The following TPM3 variants were observed in gnomAD, a reference collection of about 807,000 sequenced individuals.
TPM3 encodes the protein tropomyosin alpha-3 chain.
TPM3 carries 16 observed loss-of-function variants against 43.1 expected under a neutral mutation model. The observed-to-expected ratio is 0.37, with a 90% CI of 0.25 to 0.56. The LOEUF is 0.56. TPM3 is among the 20% of genes least tolerant of loss of function. The probability of loss-of-function intolerance (pLI) is 0.77; values close to 1 mark genes in which losing one functional copy is unlikely to be tolerated. For synonymous variants in TPM3, 101 were observed against 116.9 expected, an observed-to-expected ratio of 0.86 and a Z score of 0.88; for missense variants, 176 against 337.2, an observed-to-expected ratio of 0.52 and a Z score of 3.74.
chr1:154,185,186 A>T (rs550888005), intron 2 of TPM3, among the ~76,000 whole-genome samples: 4 of 151,934 alleles, frequency 2.6e-5, no homozygotes, highest in African/African-American at 9.7e-5. Flanking sequence ...AGCCTGGCCA[A>T]CATGGCAAAA....
At chr1:154,174,383 T>TATA (rs1300083007) in intron 3 of TPM3, among the ~76,000 whole-genome samples, 1 of 91,756 alleles carries the variant, frequency 1.1e-5, no homozygotes, top group Non-Finnish European at 2.0e-5. Flanking sequence ...TATATATATA[T>TATA]ATATATATAT....
chr1:154,169,542 T>C (rs1661350646), intron 8 of TPM3, 159 bp from the exon 9 acceptor site: 1 of 712,618 alleles, frequency 1.4e-6, no homozygotes, highest in Non-Finnish European at 2.4e-6. Flanking sequence ...GACTGGACAT[T>C]TTCAGATCTA....
At chr1:154,173,635 G>T (rs949777561) in intron 3 of TPM3, among the ~76,000 whole-genome samples, 7 of 150,234 alleles carry the variant, frequency 4.7e-5, no homozygotes, top group Non-Finnish European at 7.4e-5. Context: ...TTGCACTCCA[G>T]CCTGGGCAAT....
chr1:154,160,948 C>G (rs1473465223), downstream of TPM3, among the ~76,000 whole-genome samples: 2 of 151,830 alleles, frequency 1.3e-5, no homozygotes, highest in African/African-American at 2.4e-5. Context: ...GTCCAGGCTA[C>G]AGTGTGGTGA....
intron 5 of TPM3, 180 bp from the exon 6 acceptor site, chr1:154,171,668 C>T (rs1661591808): frequency 5.5e-6 from 4 of 724,308 alleles, no homozygotes; most frequent in Non-Finnish European, 7.1e-6. Context: ...TACCATAGAA[C>T]GTGTCAGGAG....
intron 2 of TPM3, among the ~76,000 whole-genome samples, chr1:154,178,540 A>G (rs1368671033): frequency 6.6e-6 from 1 of 152,214 alleles, no homozygotes; most frequent in Non-Finnish European, 1.5e-5. Flanking sequence ...AAGATCTGAT[A>G]CTTTGTTTAA....
rs199839023 is a variant in TPM3, at chr1:154,178,193, C to G, written c.244-1945G>C. ...CATCATGCAGCTCACCAGTAGTTAC[C>G]CAAACTGGAGTAGAAGATAACAGGC... On this transcript the variant is annotated intron_variant, in intron 2 of 9. Coordinates refer to ENST00000651641, the MANE Select transcript of TPM3 (RefSeq NM_152263.4). 3.0e-6 allele frequency: 3 copies of G among 985,262 alleles called. No individual in the cohort carries two copies. The East Asian group carries it at 3.4e-4, about 112-fold the overall frequency. 61.0% of individuals were successfully genotyped at this position (985,262 alleles called of 1,614,324 possible). A position where few individuals can be genotyped will look rare whatever the true frequency, so the allele number is the denominator to read the frequency against.
intron 5 of TPM3, chr1:154,172,687 C>T (rs903874519): frequency 4.9e-6 from 3 of 614,350 alleles, no homozygotes; most frequent in African/African-American, 1.9e-5. Context: ...GTAAACCCTA[C>T]CAACAAAAAA....
At position 154,165,791 on chromosome 1, in the gene TPM3, AAAAAAAAAAAAAAAAG is replaced by A. The variant is rs1660882869; in HGVS notation, c.*2130_*2145del. ...GTGACAAGAGTCAAACTCCGTCTCA[AAAAAAAAAAAAAAAAG>A]AAAAAAAGAAAAAAGTTTTAACATG... On this transcript the variant is annotated 3_prime_UTR_variant, in exon 10 of 10. Coordinates refer to ENST00000651641, the MANE Select transcript of TPM3 (RefSeq NM_152263.4). Among the ~76,000 whole-genome samples, 1 of 104,632 alleles carries A rather than the reference AAAAAAAAAAAAAAAAG, an allele frequency of 9.6e-6. No individual in the cohort carries two copies. The highest frequency in any genetic ancestry group is 4.3e-5 in the African/African-American group (1 of 23,170). 68.6% of individuals were successfully genotyped at this position (104,632 alleles called of 152,430 possible).
chr1:154,183,789 C>G (rs1462803156), intron 2 of TPM3: 1 of 154,838 alleles, frequency 6.5e-6, no homozygotes. Flanking sequence ...CAAGATGGCA[C>G]AAATTCTCAT....
intron 6 of TPM3, 41 bp from the exon 7 acceptor site, chr1:154,170,752 G>T: frequency 7.3e-7 from 1 of 1,372,736 alleles, no homozygotes. Context: ...GTAGAAATTA[G>T]TCACACAGGC....
chr1:154,157,576 G>C, downstream of TPM3: 1 of 769,378 alleles, frequency 1.3e-6, no homozygotes, highest in Non-Finnish European at 2.4e-6. Context: ...GCTTCCCGCA[G>C]GCTGGCCTCA....
intron 1 of TPM3, 60 bp downstream of exon 1, chr1:154,191,842 T>G: frequency 6.3e-7 from 1 of 1,595,296 alleles, no homozygotes; most frequent in Admixed American, 1.7e-5. Context: ...CCATGAAAAC[T>G]CCCTTCCATT....
At chr1:154,159,695 T>C (rs1349561813), downstream of TPM3, among the ~76,000 whole-genome samples, 1 of 152,174 alleles carries the variant, frequency 6.6e-6, no homozygotes, top group East Asian at 1.9e-4. Flanking sequence ...TATAAGCTAC[T>C]CAAGACTATC....
At chr1:154,161,098 G>A (rs112958312), downstream of TPM3, among the ~76,000 whole-genome samples, 4 of 145,838 alleles carry the variant, frequency 2.7e-5, no homozygotes, top group African/African-American at 1.0e-4. Flanking sequence ...TTTCGAATTT[G>A]GGATGCTCAA....
chr1:154,191,711 T>C, intron 1 of TPM3, 191 bp downstream of exon 1: 1 of 1,524,538 alleles, frequency 6.6e-7, no homozygotes, highest in Middle Eastern at 1.9e-4. Flanking sequence ...GCTCACTGAC[T>C]TTCCCAAGGT....
rs988362234 is a variant in TPM3 at position 154,166,751 on chromosome 1, C to T, written c.*1186G>A. On this transcript the variant is annotated 3_prime_UTR_variant, in exon 10 of 10. Coordinates refer to ENST00000651641, the MANE Select transcript of TPM3 (RefSeq NM_152263.4). Reference sequence around the variant, plus strand: ...GGCTGGAATGCAGTGGCGCGATCTCCGCTCACTGCAACCTCCGCCTCCCAG... The same window carrying T: ...GGCTGGAATGCAGTGGCGCGATCTCTGCTCACTGCAACCTCCGCCTCCCAG... 87 of 937,556 alleles carry T rather than the reference C, an allele frequency of 9.3e-5. No individual in the cohort carries two copies. The highest frequency in any genetic ancestry group is 3.1e-4 in the Admixed American group (5 of 16,144). 58.1% of individuals were successfully genotyped at this position (937,556 alleles called of 1,614,324 possible).
rs374517801 is a variant in TPM3 at position 154,166,974 on chromosome 1, C to T, written c.*963G>A. ...CTGGGATTATAGGCGTGAGCTACCA[C>T]GCCCGGCCTATAATGGGAATTTCTA... On this transcript the variant is annotated 3_prime_UTR_variant, in exon 10 of 10. Coordinates refer to ENST00000651641, the MANE Select transcript of TPM3 (RefSeq NM_152263.4). 8.5e-5 allele frequency among the ~76,000 whole-genome samples: 13 copies of T among 152,304 alleles called. No individual in the cohort carries two copies. The highest frequency in any genetic ancestry group is 2.2e-4 in the African/African-American group (9 of 41,572).
At chr1:154,160,687 C>A (rs1387845121), downstream of TPM3, among the ~76,000 whole-genome samples, 1 of 152,156 alleles carries the variant, frequency 6.6e-6, no homozygotes, top group African/African-American at 2.4e-5. Flanking sequence ...GACAGCAATA[C>A]ACAGGATTGT....
Sources: allele counts gnomAD v4.1 joint callset (sites outside exome capture counted in the v4.1 genomes callset), GRCh38; gene constraint gnomAD v4.1.1; transcripts MANE v1.5; gene names NCBI Gene and HGNC (gene_info 2026-07-23, HGNC 2026-07-21).